MROH9: variants seen among roughly 807,000 people sequenced by gnomAD.
MROH9 encodes the protein maestro heat-like repeat-containing protein family member 9.
MROH9 carries 92 observed loss-of-function variants against 98.2 expected under a neutral mutation model. The ratio of observed to expected loss-of-function variants is 0.94; its 90% CI spans 0.79 to 1.11. The LOEUF (loss-of-function observed/expected upper bound fraction) is 1.11. Among genes scored for constraint, MROH9 ranks in the 50% most tolerant of loss-of-function variants. The pLI, the probability that MROH9 is intolerant of heterozygous loss-of-function variation, is 0.00. For synonymous variants in MROH9, 397 were observed against 368.9 expected (o/e 1.08, Z -0.87); for missense variants, 1,057 against 1,014.8 (o/e 1.04, Z -0.57).
At chr1:170,996,474 A>G (rs1019246084) in intron 13 of MROH9, 33 bp from the exon 14 acceptor site, 1 of 1,607,522 alleles carries the variant, frequency 6.2e-7, no homozygotes, top group South Asian at 1.1e-5. Flanking sequence ...TATCACCGGC[A>G]TGTGATGACT....
At chr1:170,953,402 T>C (rs1649631059) in intron 3 of MROH9, among the ~76,000 whole-genome samples, 1 of 147,148 alleles carries the variant, frequency 6.8e-6, no homozygotes, top group Non-Finnish European at 1.5e-5. Flanking sequence ...CCGTGTTGCA[T>C]CTAAAAACAA....
At chr1:170,964,587 A>G (rs1349874577) in intron 6 of MROH9, among the ~76,000 whole-genome samples, 6 of 152,078 alleles carry the variant, frequency 3.9e-5, no homozygotes, top group Admixed American at 3.3e-4. Flanking sequence ...TCTGAGGATT[A>G]AGAACAGCTA....
intron 20 of MROH9, among the ~76,000 whole-genome samples, chr1:171,030,070 A>G (rs1652855474): frequency 1.3e-5 from 2 of 152,136 alleles, no homozygotes; most frequent in East Asian, 3.9e-4. Context: ...TAGATTTTCT[A>G]GTTTATTTGC....
At chr1:171,053,121 A>T (rs1421481974) in intron 20 of MROH9, among the ~76,000 whole-genome samples, 2 of 152,174 alleles carry the variant, frequency 1.3e-5, no homozygotes, top group Non-Finnish European at 2.9e-5. Context: ...CTAGTTCTGC[A>T]GCAAGAAAGA....
intron 1 of MROH9, among the ~76,000 whole-genome samples, chr1:170,944,801 C>T (rs925243043): frequency 6.6e-6 from 1 of 151,906 alleles, no homozygotes; most frequent in South Asian, 2.1e-4. Flanking sequence ...ATTCCTGTCC[C>T]CTAGTATCCA....
chr1:171,011,691 C>T (rs180787786), intron 15 of MROH9, among the ~76,000 whole-genome samples: 3 of 152,212 alleles, frequency 2.0e-5, no homozygotes, highest in African/African-American at 7.2e-5. Context: ...AAAAGCTGCC[C>T]GCAGAAGATC....
intron 20 of MROH9, among the ~76,000 whole-genome samples, chr1:171,031,034 T>TA (rs1419250120): frequency 6.6e-6 from 1 of 152,256 alleles, no homozygotes; most frequent in Non-Finnish European, 1.5e-5. Flanking sequence ...TTCCGTAATG[T>TA]AATGTCCTTT....
intron 19 of MROH9, 111 bp downstream of exon 19, chr1:171,024,876 A>G: frequency 1.5e-6 from 1 of 648,800 alleles, no homozygotes; most frequent in South Asian, 2.0e-5. Flanking sequence ...GAGGAAAAAA[A>G]TGGAAGAAAA....
At chr1:170,964,661 G>A (rs759029032) in intron 6 of MROH9, among the ~76,000 whole-genome samples, 42 of 152,100 alleles carry the variant, frequency 2.8e-4, no homozygotes, top group Admixed American at 4.6e-4. Context: ...ACCTGCCTCC[G>A]GTAATGTACT....
intron 20 of MROH9, among the ~76,000 whole-genome samples, chr1:171,045,283 C>T (rs188264458): frequency 1.3e-5 from 2 of 151,800 alleles, no homozygotes; most frequent in East Asian, 1.9e-4. Flanking sequence ...TACAGGCATG[C>T]GCCACCGTGC....
At position 170,992,227 on chromosome 1, in the gene MROH9, G is replaced by A. The variant is rs781336536; in HGVS notation, c.1092G>A (p.Lys364=). ...CGAGCGTGGCCCCTCACGTGCTGAA[G>A]ACAATCTTATTGATACTGAAAGGAA... ...SQASVAPHVL[K]TILLILKGKP... The change falls in exon 12 of 22, where the codon AAG becomes AAA. Residue 364 remains lysine (K), a synonymous_variant. Transcript: ENST00000367759. 2 of 1,613,468 alleles carry A rather than the reference G, an allele frequency of 1.2e-6. No homozygotes were observed. Among genetic ancestry groups the A allele is most frequent in the Non-Finnish European group, 8.5e-7 (1 of 1,179,708 alleles).
chr1:171,040,458 A>T (rs538078601), intron 20 of MROH9, among the ~76,000 whole-genome samples: 1 of 152,278 alleles, frequency 6.6e-6, no homozygotes, highest in South Asian at 2.1e-4. Context: ...GATGATAGAT[A>T]CGTTAACTTG....
At position 170,959,566 on chromosome 1, in the gene MROH9, G is replaced by A. The variant is rs760191310; in HGVS notation, c.257G>A (p.Gly86Glu). 10 of 1,613,366 alleles carry A rather than the reference G, an allele frequency of 6.2e-6. No individual in the cohort carries two copies. The Admixed American group carries it at 1.0e-4, about 16-fold the overall frequency. ...AGTCTTGACAAAGTAAAAGAAATGG[G>A]GAGCAGTTATGAGTACATTGAGGAC... Reference protein sequence around the residue: ...MPSLDKVKEMGSSYEYIEDME... With the variant: ...MPSLDKVKEMESSYEYIEDME... Residue 86 changes from glycine (G) to glutamate (E), a missense_variant, in exon 5 of 22, where the codon GGG becomes GAG. Coordinates refer to ENST00000367759, the MANE Select transcript of MROH9 (RefSeq NM_001163629.2).
chr1:170,937,841 C>T (rs1376971211), intron 1 of MROH9, among the ~76,000 whole-genome samples: 1 of 152,114 alleles, frequency 6.6e-6, no homozygotes, highest in Non-Finnish European at 1.5e-5. Flanking sequence ...GTATTTTTAA[C>T]TCCCTTTTTC....
chr1:171,016,428 C>G (rs7882102), intron 17 of MROH9, 92 bp downstream of exon 17: 1 of 961,912 alleles, frequency 1.0e-6, no homozygotes, highest in Non-Finnish European at 1.4e-6. Context: ...ACAGAATAAG[C>G]CAATAGGAGA....
intron 12 of MROH9, among the ~76,000 whole-genome samples, chr1:170,993,551 A>G (rs1236497399): frequency 6.6e-6 from 1 of 152,176 alleles, no homozygotes; most frequent in Non-Finnish European, 1.5e-5. Flanking sequence ...TGTGAAATAG[A>G]TTTCTGCATG....
Position 171,064,565 on chromosome 1 carries a change from C to A in MROH9, c.*225C>A. 1 of 437,000 alleles carries A rather than the reference C, an allele frequency of 2.3e-6. No individual in the cohort carries two copies. Among genetic ancestry groups the A allele is most frequent in the Non-Finnish European group, 4.0e-6 (1 of 251,408 alleles). 27.1% of individuals were successfully genotyped at this position (437,000 alleles called of 1,614,324 possible). A position where few individuals can be genotyped will look rare whatever the true frequency, so the allele number is the denominator to read the frequency against. ...GTGCCTCTGTATGTCTGACAGTGAT[C>A]AGAAGCCCTATTTCATCAAAACCAC... On this transcript the variant is annotated 3_prime_UTR_variant, in exon 22 of 22. Coordinates refer to ENST00000367759, the MANE Select transcript of MROH9 (RefSeq NM_001163629.2).
At chr1:171,023,052 C>T (rs1652568982) in intron 17 of MROH9, among the ~76,000 whole-genome samples, 1 of 152,082 alleles carries the variant, frequency 6.6e-6, no homozygotes, top group South Asian at 2.1e-4. Context: ...AGTGCAGTGG[C>T]TCACGCCTGT....
chr1:171,016,320 G>C lies in MROH9; in HGVS notation c.1892G>C (p.Cys631Ser), dbSNP rs1216881323. The change falls in exon 17 of 22, where the codon TGT becomes TCT. Residue 631 changes from cysteine to serine, a missense_variant. Transcript: ENST00000367759. ...GGTACCAGAATTGGTTCCAGCTACT[G>C]TACTCTGATGGATCATGTGAGTTAC... ...SLGTRIGSSY[C>S]TLMDHINGGI... The C allele has an allele frequency of 7.2e-6, 11 of 1,520,332 alleles. No individual in the cohort carries two copies. The East Asian group carries it at 2.8e-4, about 39-fold the overall frequency. The allele number at this position is 1,520,332 out of a possible 1,614,324, so 94.2% of individuals were successfully genotyped here.
Sources: gnomAD v4.1 joint callset for allele counts (sites outside exome capture counted in the v4.1 genomes callset) on GRCh38, gnomAD v4.1.1 for gene constraint, MANE v1.5 for transcripts, NCBI Gene and HGNC (gene_info 2026-07-23, HGNC 2026-07-21) for gene names.